The following CDC14A variants were observed in gnomAD, a reference collection of about 807,000 sequenced individuals.
CDC14A encodes dual specificity protein phosphatase CDC14A.
In CDC14A, 53 loss-of-function variants were observed where a neutral mutation model predicts 74.4. The ratio of observed to expected loss-of-function variants is 0.71; its 90% CI spans 0.57 to 0.89. CDC14A has a LOEUF of 0.89. CDC14A is among the 40% of genes least tolerant of loss of function. The probability of loss-of-function intolerance (pLI) is 0.00; values close to 1 mark genes in which losing one functional copy is unlikely to be tolerated. For missense variants in CDC14A, 646 were observed against 713.7 expected, an observed-to-expected ratio of 0.91 and a Z score of 1.08; for synonymous variants, 247 against 258.4, an observed-to-expected ratio of 0.96 and a Z score of 0.43.
At chr1:100,434,366 G>A (rs1288604618) in intron 5 of CDC14A, among the ~76,000 whole-genome samples, 1 of 152,186 alleles carries the variant, frequency 6.6e-6, no homozygotes, top group Non-Finnish European at 1.5e-5. Flanking sequence ...GGAGCTCAGG[G>A]AAGATGGGGC....
chr1:100,482,292 G>C (rs1195230107), intron 10 of CDC14A, among the ~76,000 whole-genome samples: 1 of 151,746 alleles, frequency 6.6e-6, no homozygotes, highest in Non-Finnish European at 1.5e-5. Flanking sequence ...TGTATTTTTG[G>C]TATCAAATTT....
At chr1:100,350,244 C>T (rs1368968068), upstream of CDC14A, among the ~76,000 whole-genome samples, 9 of 152,260 alleles carry the variant, frequency 5.9e-5, no homozygotes, top group South Asian at 4.1e-4. Flanking sequence ...CATGAGCCAC[C>T]GCGCCCAGAC....
chr1:100,380,363 G>A (rs1691734623), intron 3 of CDC14A, among the ~76,000 whole-genome samples: 1 of 152,144 alleles, frequency 6.6e-6, no homozygotes, highest in Non-Finnish European at 1.5e-5. Context: ...ACCTTCAGTA[G>A]GAACCATAGC....
intron 4 of CDC14A, among the ~76,000 whole-genome samples, chr1:100,394,334 T>TTCAGGACTCCTGGCC (rs1553174985): frequency 6.6e-6 from 1 of 152,170 alleles, no homozygotes; most frequent in Non-Finnish European, 1.5e-5. Context: ...CCAGCCTGGC[T>TTCAGGACTCCTGGCC]TCAGGACTCC....
intron 4 of CDC14A, among the ~76,000 whole-genome samples, chr1:100,396,249 G>A (rs537751171): frequency 6.6e-6 from 1 of 152,350 alleles, no homozygotes; most frequent in East Asian, 1.9e-4. Context: ...GGCCTAGGGG[G>A]TGGGCGTGGG....
chr1:100,428,069 T>G (rs1279877176), intron 5 of CDC14A, among the ~76,000 whole-genome samples: 1 of 152,212 alleles, frequency 6.6e-6, no homozygotes, highest in East Asian at 1.9e-4. Context: ...AAGTTCACAG[T>G]ATGGGTACAT....
chr1:100,492,206 T>A (rs1373878689), intron 11 of CDC14A, among the ~76,000 whole-genome samples: 1 of 152,202 alleles, frequency 6.6e-6, no homozygotes, highest in Non-Finnish European at 1.5e-5. Context: ...GTTATTTAAT[T>A]TTCTGTTTAA....
At chr1:100,515,525 AG>A (rs1393639958) in intron 15 of CDC14A, among the ~76,000 whole-genome samples, 3 of 151,860 alleles carry the variant, frequency 2.0e-5, no homozygotes, top group Admixed American at 2.0e-4. Context: ...CTGGGATTAC[AG>A]GAATGTGCCA....
At chr1:100,429,741 A>G (rs1217578746) in intron 5 of CDC14A, among the ~76,000 whole-genome samples, 2 of 143,600 alleles carry the variant, frequency 1.4e-5, no homozygotes, top group African/African-American at 2.6e-5. Flanking sequence ...TATATCAAGT[A>G]TATTTATATA....
At chr1:100,499,412 T>C (rs763061994) in intron 15 of CDC14A, 150 bp downstream of exon 15, 3 of 1,554,540 alleles carry the variant, frequency 1.9e-6, no homozygotes, top group African/African-American at 2.7e-5. Context: ...TGAAACTGTC[T>C]ATGCACTACA....
At chr1:100,463,306 A>G (rs142714799) in intron 9 of CDC14A, among the ~76,000 whole-genome samples, 220 of 151,972 alleles carry the variant, frequency 1.4e-3, no homozygotes, top group African/African-American at 4.9e-3. Flanking sequence ...TTTATGACCC[A>G]GTTATCTGGA....
intron 4 of CDC14A, among the ~76,000 whole-genome samples, chr1:100,422,124 A>C (rs1460081813): frequency 6.6e-6 from 1 of 152,154 alleles, no homozygotes; most frequent in African/African-American, 2.4e-5. Context: ...ATAATTGAGC[A>C]CTGGGATAAA....
chr1:100,485,533 A>C (rs979318895), intron 11 of CDC14A, among the ~76,000 whole-genome samples: 2 of 151,944 alleles, frequency 1.3e-5, no homozygotes, highest in Admixed American at 1.3e-4. Flanking sequence ...ACTGCACTCT[A>C]TCCTGGGCGA....
intron 2 of CDC14A, among the ~76,000 whole-genome samples, chr1:100,372,817 CT>C (rs1382136455): frequency 5.9e-5 from 9 of 152,304 alleles, no homozygotes; most frequent in African/African-American, 2.2e-4. Context: ...TAACTTCATA[CT>C]TTTATTCTGC....
intron 2 of CDC14A, among the ~76,000 whole-genome samples, chr1:100,374,274 A>G (rs1024764657): frequency 6.6e-6 from 1 of 152,166 alleles, no homozygotes; most frequent in Non-Finnish European, 1.5e-5. Flanking sequence ...GTACGTGTGC[A>G]TGTGTCTTTA....
At chr1:100,506,064 C>T (rs866074684) in intron 15 of CDC14A, among the ~76,000 whole-genome samples, 2 of 152,100 alleles carry the variant, frequency 1.3e-5, no homozygotes, top group South Asian at 2.1e-4. Context: ...AAGGATCCAC[C>T]GCCATGACCC....
chr1:100,420,082 A>ATATATATATATATATATATATATATAT (rs58124351), intron 4 of CDC14A, among the ~76,000 whole-genome samples: 1 of 105,526 alleles, frequency 9.5e-6, no homozygotes, highest in Non-Finnish European at 2.0e-5. Context: ...ATATATATAT[A>ATATATATATATATATATATATATATAT]GTGTGTATGT....
At chr1:100,451,878 T>C (rs1417635700) in intron 7 of CDC14A, among the ~76,000 whole-genome samples, 1 of 152,220 alleles carries the variant, frequency 6.6e-6, no homozygotes, top group African/African-American at 2.4e-5. Flanking sequence ...GTTACTGTTA[T>C]TTGTCATTCC....
At chr1:100,378,496 T>G (rs1484556780) in intron 3 of CDC14A, among the ~76,000 whole-genome samples, 6 of 152,176 alleles carry the variant, frequency 3.9e-5, no homozygotes, top group Non-Finnish European at 8.8e-5. Flanking sequence ...CTTGGACATA[T>G]TAACTGTTCT....
Sources: allele counts gnomAD v4.1 joint callset (sites outside exome capture counted in the v4.1 genomes callset), GRCh38; gene constraint gnomAD v4.1.1; transcripts MANE v1.5; gene names NCBI Gene and HGNC (gene_info 2026-07-23, HGNC 2026-07-21).